The following NFIX variants were observed in gnomAD, a reference collection of about 807,000 sequenced individuals.
The protein encoded by NFIX is nuclear factor I X.
A neutral mutation model predicts 53.3 loss-of-function variants in NFIX; 2 were observed. That is an observed-to-expected ratio of 0.04 (90% CI 0.02 to 0.12). The LOEUF (loss-of-function observed/expected upper bound fraction) is 0.12. Among genes scored for constraint, NFIX ranks in the 10% least tolerant of loss-of-function variants. The pLI is 1.00. For missense variants in NFIX, 310 were observed against 674.5 expected, an observed-to-expected ratio of 0.46 and a Z score of 5.99; for synonymous variants, 244 against 289.0, an observed-to-expected ratio of 0.84 and a Z score of 1.58.
In NFIX at chr19:13,011,581, A is replaced by G; in HGVS notation, c.28-13440A>G. ...GACTCCCCAGACGCTCCACTGCCCA[A>G]TCATAGCTCTTTGATATCCCAGCCC... On this transcript the variant is annotated intron_variant, in intron 1 of 10. Transcript: ENST00000592199. This position sits in a 1 kb window ranked among gnomAD's most constrained non-coding sequence, Gnocchi z 6.5. 6.6e-6 allele frequency among the ~76,000 whole-genome samples: 1 copy of G among 152,170 alleles called. No homozygotes were observed. Among genetic ancestry groups the G allele is most frequent in the East Asian group, 1.9e-4 (1 of 5,148 alleles).
rs1234150769 is a variant in NFIX, at chr19:13,040,967, C to G, written c.559+15415C>G. On this transcript the variant is annotated intron_variant, in intron 2 of 10. Coordinates refer to ENST00000592199, the MANE Select transcript of NFIX (RefSeq NM_001365902.3). The surrounding 1 kb of genome is among the most constrained non-coding windows in gnomAD (Gnocchi z 4.2). The stretch of plus-strand genomic sequence containing the variant: ...GGTCCTAAACCTCTTTCCTCTGGCC[C>G]CATGTGCCAGTTCTTGACTTTCTCT... Among the ~76,000 whole-genome samples, 1 of 152,202 alleles carries G rather than the reference C, an allele frequency of 6.6e-6. No homozygotes were observed.
rs1568338066 is a variant in NFIX, at chr19:13,094,504, G to A, written c.1495-131G>A. On this transcript the variant is annotated intron_variant, in intron 10 of 10. Coordinates refer to ENST00000592199, the MANE Select transcript of NFIX (RefSeq NM_001365902.3). The surrounding 1 kb of genome is among the most constrained non-coding windows in gnomAD (Gnocchi z 4.3). The stretch of plus-strand genomic sequence containing the variant: ...TTTCTTCTCCATGGGAACAAGGTGG[G>A]TGGTGGCTGCCCGGCACCCTGGCTC... 2 of 827,726 alleles carry A rather than the reference G, an allele frequency of 2.4e-6. No individual in the cohort carries two copies. Among genetic ancestry groups the A allele is most frequent in the South Asian group, 1.6e-5 (1 of 63,346 alleles). The allele number at this position is 827,726 out of a possible 1,614,324, so 51.3% of individuals were successfully genotyped here. A position where few individuals can be genotyped will look rare whatever the true frequency, so the allele number is the denominator to read the frequency against.
chr19:13,038,389 T>C (rs548278474), intron 2 of NFIX, among the ~76,000 whole-genome samples: 14 of 152,326 alleles, frequency 9.2e-5, no homozygotes, highest in Middle Eastern at 3.4e-3. Context: ...TGGGGCTTCC[T>C]GAGCGTAGCA....
intron 1 of NFIX, chr19:13,023,973 C>G (rs2013119913): frequency 8.1e-7 from 1 of 1,228,042 alleles, no homozygotes; most frequent in South Asian, 1.3e-5. Context: ...CAACTCACAA[C>G]TCTTTTGAGT....
intron 8 of NFIX, among the ~76,000 whole-genome samples, chr19:13,083,849 A>G (rs976016505): frequency 6.6e-6 from 1 of 152,246 alleles, no homozygotes; most frequent in Non-Finnish European, 1.5e-5. Context: ...AGCTGCAGAG[A>G]GCCAGAGGGC....
rs1260133433 is a variant in NFIX, at chr19:13,001,621, C to T, written c.27+5757C>T. Among the ~76,000 whole-genome samples the T allele has an allele frequency of 1.3e-5, 2 of 152,170 alleles. No individual in the cohort carries two copies. The highest frequency in any genetic ancestry group is 6.5e-5 in the Admixed American group (1 of 15,290). ...AGAGTGTATCCGTGTGTCTCACACA[C>T]GTGTTGGCCTGTCCGTGTCAACTTG... On this transcript the variant is annotated intron_variant, in intron 1 of 10. Coordinates refer to ENST00000592199, the MANE Select transcript of NFIX (RefSeq NM_001365902.3). The surrounding 1 kb of genome is among the most constrained non-coding windows in gnomAD (Gnocchi z 6.5).
In NFIX at chr19:13,043,030, T is replaced by C. The variant is rs1330814826; in HGVS notation, c.559+17478T>C. On this transcript the variant is annotated intron_variant, in intron 2 of 10. Coordinates refer to ENST00000592199, the MANE Select transcript of NFIX (RefSeq NM_001365902.3). This position sits in a 1 kb window ranked among gnomAD's most constrained non-coding sequence, Gnocchi z 4.0. ...AAAGATGTTGCCATCATTGTACATA[T>C]CGTGTACATTGCACATACATGTCAT... Among the ~76,000 whole-genome samples the C allele has an allele frequency of 1.3e-5, 2 of 152,174 alleles. No individual in the cohort carries two copies. The highest frequency in any genetic ancestry group is 4.8e-5 in the African/African-American group (2 of 41,434).
intron 2 of NFIX, among the ~76,000 whole-genome samples, chr19:13,064,582 G>A (rs1250780300): frequency 6.6e-6 from 1 of 152,238 alleles, no homozygotes; most frequent in African/African-American, 2.4e-5. Context: ...TATTTGCAGA[G>A]AAACCTCTCT....
chr19:13,050,430 G>A (rs2015256937), intron 2 of NFIX, among the ~76,000 whole-genome samples: 1 of 152,238 alleles, frequency 6.6e-6, no homozygotes, highest in Non-Finnish European at 1.5e-5. Flanking sequence ...CCCTCCCTCT[G>A]AGGGGGCCTC....
intron 2 of NFIX, among the ~76,000 whole-genome samples, chr19:13,033,427 G>A (rs2013961075): frequency 6.6e-6 from 1 of 152,148 alleles, no homozygotes; most frequent in South Asian, 2.1e-4. Flanking sequence ...TTCACCACCA[G>A]CTGCCATGGA....
chr19:13,075,398 C>A, intron 5 of NFIX, 137 bp from the exon 6 acceptor site: 1 of 931,890 alleles, frequency 1.1e-6, no homozygotes, highest in Non-Finnish European at 1.6e-6. Flanking sequence ...CAGTGAGTGC[C>A]CAGAAATGCT....
In NFIX at chr19:13,093,679, C is replaced by T. The variant is rs985862723; in HGVS notation, c.1495-956C>T. 2.0e-4 allele frequency among the ~76,000 whole-genome samples: 31 copies of T among 152,192 alleles called. No individual in the cohort carries two copies. Among genetic ancestry groups the T allele is most frequent in the African/African-American group, 6.5e-4 (27 of 41,448 alleles). On this transcript the variant is annotated intron_variant, in intron 10 of 10. Transcript: ENST00000592199. The surrounding 1 kb of genome is among the most constrained non-coding windows in gnomAD (Gnocchi z 4.7). The stretch of plus-strand genomic sequence containing the variant: ...CTGGTATGTGCTCTGTAGTTGGCTC[C>T]GCCTGGCCCCTGCAGACCAGAGTCT...
At position 13,072,889 on chromosome 19, in the gene NFIX, GCCT is replaced by G. The variant is rs1294778812; in HGVS notation, c.560-154_560-152del. Among the ~76,000 whole-genome samples the G allele has an allele frequency of 6.6e-6, 1 of 152,174 alleles. No homozygotes were observed. Among genetic ancestry groups the G allele is most frequent in the Non-Finnish European group, 1.5e-5 (1 of 68,022 alleles). ...CCTTCTCTGCTTTGGGTCTCCCGGA[GCCT>G]CCTGGGGCTGGTTTGGGGAGAGGGT... On this transcript the variant is annotated intron_variant, in intron 2 of 10. Transcript: ENST00000592199. The surrounding 1 kb of genome is among the most constrained non-coding windows in gnomAD (Gnocchi z 4.0).
In NFIX at chr19:13,027,957, T is replaced by C. The variant is rs1354852118; in HGVS notation, c.559+2405T>C. ...TTTTTCTCACTGGAATTGCTTTAGT[T>C]TGAGTGTGCCTTCCTGAAGTGAGTT... On this transcript the variant is annotated intron_variant, in intron 2 of 10. Transcript: ENST00000592199. The surrounding 1 kb of genome is among the most constrained non-coding windows in gnomAD (Gnocchi z 4.3). Among the ~76,000 whole-genome samples, 1 of 152,228 alleles carries C rather than the reference T, an allele frequency of 6.6e-6. No homozygotes were observed. The highest frequency in any genetic ancestry group is 1.5e-5 in the Non-Finnish European group (1 of 68,046).
Position 13,014,327 on chromosome 19 carries a change from C to T in NFIX, c.28-10694C>T, listed in dbSNP as rs564270252. The stretch of plus-strand genomic sequence containing the variant: ...AGCCCTCTCCTCTTCCCTCCCCCGC[C>T]TCTGGGCCCTGACCCACTGCCTGGT... On this transcript the variant is annotated intron_variant, in intron 1 of 10. Coordinates refer to ENST00000592199, the MANE Select transcript of NFIX (RefSeq NM_001365902.3). The surrounding 1 kb of genome is among the most constrained non-coding windows in gnomAD (Gnocchi z 4.4). 1 of 152,388 alleles carries T rather than the reference C, an allele frequency of 6.6e-6. No individual in the cohort carries two copies. Among genetic ancestry groups the T allele is most frequent in the African/African-American group, 2.4e-5 (1 of 41,584 alleles). 9.4% of individuals were successfully genotyped at this position (152,388 alleles called of 1,614,324 possible).
chr19:13,061,362 G>A (rs1214950300), intron 2 of NFIX, among the ~76,000 whole-genome samples: 1 of 152,230 alleles, frequency 6.6e-6, no homozygotes, highest in Non-Finnish European at 1.5e-5. Context: ...CGCTGCCACG[G>A]GCAGCTCCTT....
In NFIX at chr19:13,052,164, G is replaced by T. The variant is rs1417387054; in HGVS notation, c.560-20883G>T. 1.3e-5 allele frequency among the ~76,000 whole-genome samples: 2 copies of T among 152,146 alleles called. No individual in the cohort carries two copies. Among genetic ancestry groups the T allele is most frequent in the Non-Finnish European group, 2.9e-5 (2 of 68,022 alleles). On this transcript the variant is annotated intron_variant, in intron 2 of 10. Transcript: ENST00000592199. This position sits in a 1 kb window ranked among gnomAD's most constrained non-coding sequence, Gnocchi z 5.2. ...GGGCTTGTTAAAATGCAGATCCTGGGGCTTGTCCAAGTGGGTAGGTCTGGG... is the reference window on the plus strand; with the variant it reads ...GGGCTTGTTAAAATGCAGATCCTGGTGCTTGTCCAAGTGGGTAGGTCTGGG...
In NFIX at chr19:13,073,173, C is replaced by T. The variant is rs2016868989; in HGVS notation, c.622+64C>T. ...ATGCCCCTCCACTTCCTTCCCCCACCCTGGCTGCCCTGGCCACCCTCACTT... is the reference window on the plus strand; with the variant it reads ...ATGCCCCTCCACTTCCTTCCCCCACTCTGGCTGCCCTGGCCACCCTCACTT... On this transcript the variant is annotated intron_variant, in intron 3 of 10. Coordinates refer to ENST00000592199, the MANE Select transcript of NFIX (RefSeq NM_001365902.3). This position sits in a 1 kb window ranked among gnomAD's most constrained non-coding sequence, Gnocchi z 4.5. 14 of 1,445,844 alleles carry T rather than the reference C, an allele frequency of 9.7e-6. No individual in the cohort carries two copies. Among genetic ancestry groups the T allele is most frequent in the Non-Finnish European group, 1.4e-5 (14 of 1,026,620 alleles). 89.6% of individuals were successfully genotyped at this position (1,445,844 alleles called of 1,614,324 possible).
rs1197797262 is a variant in NFIX, at chr19:13,067,259, C to T, written c.560-5788C>T. ...AGAGGCACCCCCAGAACAGAATGTA[C>T]CCCCACTTGCTTCTGGAATGTCAGG... is the stretch of plus-strand genomic sequence containing the variant. On this transcript the variant is annotated intron_variant, in intron 2 of 10. Coordinates refer to ENST00000592199, the MANE Select transcript of NFIX (RefSeq NM_001365902.3). The surrounding 1 kb of genome is among the most constrained non-coding windows in gnomAD (Gnocchi z 4.2). Among the ~76,000 whole-genome samples the T allele has an allele frequency of 2.0e-5, 3 of 152,200 alleles. No homozygotes were observed. The highest frequency in any genetic ancestry group is 1.9e-4 in the East Asian group (1 of 5,178).
Sources: allele counts gnomAD v4.1 joint callset (sites outside exome capture counted in the v4.1 genomes callset), GRCh38; gene constraint gnomAD v4.1.1; non-coding constraint Gnocchi (gnomAD v3.1); transcripts MANE v1.5; gene names NCBI Gene and HGNC (gene_info 2026-07-23, HGNC 2026-07-21).